The following AP3B1 variants were observed in gnomAD, a reference collection of about 807,000 sequenced individuals.
AP3B1 encodes the protein AP-3 complex subunit beta-1.
Under a neutral mutation model 132.5 loss-of-function variants are expected in AP3B1, and 61 were observed. The ratio of observed to expected loss-of-function variants is 0.46; its 90% CI spans 0.37 to 0.57. AP3B1 has a LOEUF of 0.57. AP3B1 is among the 20% of genes least tolerant of loss of function. AP3B1 has a pLI of 0.00. For synonymous variants in AP3B1, 388 were observed against 438.3 expected (o/e 0.89, Z 1.43); for missense variants, 1,120 against 1,289.4 (o/e 0.87, Z 2.01).
chr5:78,186,472 AAACGGC>A (rs1744611170), intron 7 of AP3B1, among the ~76,000 whole-genome samples: 1 of 152,218 alleles, frequency 6.6e-6, no homozygotes, highest in Admixed American at 6.5e-5. Context: ...TTTGGCTATG[AAACGGC>A]AACATGAAGA....
At chr5:78,172,883 C>T (rs1307500738) in intron 11 of AP3B1, among the ~76,000 whole-genome samples, 2 of 152,156 alleles carry the variant, frequency 1.3e-5, no homozygotes, top group African/African-American at 4.8e-5. Context: ...TTACTGCTTT[C>T]TCTTGTGAGC....
chr5:78,207,548 GA>G lies in AP3B1; in HGVS notation c.786+8506del, dbSNP rs538015789. On this transcript the variant is annotated intron_variant, in intron 7 of 26. Coordinates refer to ENST00000255194, the MANE Select transcript of AP3B1 (RefSeq NM_003664.5). ...AAGTATATAACTTACAAATGAAGCA[GA>G]AAAAAAATGTAAACATCGAATTTTT... is the stretch of plus-strand genomic sequence containing the variant. Among the ~76,000 whole-genome samples, 353 of 151,124 alleles carry G rather than the reference GA, an allele frequency of 2.3e-3. 1 individual carries two copies. Among genetic ancestry groups the G allele is most frequent in the African/African-American group, 7.7e-3 (317 of 41,236 alleles).
At chr5:78,124,388 T>C (rs1034684246) in intron 17 of AP3B1, among the ~76,000 whole-genome samples, 1 of 152,036 alleles carries the variant, frequency 6.6e-6, no homozygotes, top group African/African-American at 2.4e-5. Flanking sequence ...AATCTCCATA[T>C]GATTATAATG....
chr5:78,204,483 C>T (rs1396369083), intron 7 of AP3B1, among the ~76,000 whole-genome samples: 3 of 152,166 alleles, frequency 2.0e-5, no homozygotes, highest in Non-Finnish European at 2.9e-5. Flanking sequence ...TCTAACCCTA[C>T]GCATGAAATG....
intron 11 of AP3B1, among the ~76,000 whole-genome samples, chr5:78,174,251 T>A (rs936302328): frequency 6.6e-6 from 1 of 152,222 alleles, no homozygotes; most frequent in Non-Finnish European, 1.5e-5. Context: ...CAATCCTTTG[T>A]AGGAGAAGAG....
At chr5:78,118,771 C>T (rs1266751063) in intron 17 of AP3B1, among the ~76,000 whole-genome samples, 1 of 152,208 alleles carries the variant, frequency 6.6e-6, no homozygotes, top group South Asian at 2.1e-4. Flanking sequence ...AACAAAAAGA[C>T]AGCAGTAACC....
At chr5:78,254,517 C>G (rs1490471157) in intron 2 of AP3B1, among the ~76,000 whole-genome samples, 1 of 152,138 alleles carries the variant, frequency 6.6e-6, no homozygotes, top group Non-Finnish European at 1.5e-5. Context: ...TGGCAGTAGA[C>G]TTTTCAGTGG....
intron 7 of AP3B1, among the ~76,000 whole-genome samples, chr5:78,213,202 A>C (rs1745822586): frequency 6.6e-6 from 1 of 152,184 alleles, no homozygotes; most frequent in Non-Finnish European, 1.5e-5. Flanking sequence ...TCTAAAGCTA[A>C]AACTACCATG....
At chr5:78,098,304 TAA>T (rs57213410) in intron 21 of AP3B1, among the ~76,000 whole-genome samples, 264 of 144,498 alleles carry the variant, frequency 1.8e-3, no homozygotes, top group African/African-American at 6.3e-3. Context: ...AAATAAAAAA[TAA>T]AAAAAAAAAG....
At chr5:78,279,189 C>G (rs7700372) in intron 1 of AP3B1, among the ~76,000 whole-genome samples, 34,270 of 152,052 alleles carry the variant, frequency 0.23, 4,514 homozygotes, top group Middle Eastern at 0.31. Flanking sequence ...TGTAGTTACA[C>G]ATGAATGGGA....
chr5:78,088,607 T>TACC (rs1750366342), intron 22 of AP3B1, among the ~76,000 whole-genome samples: 1 of 152,202 alleles, frequency 6.6e-6, no homozygotes, highest in Non-Finnish European at 1.5e-5. Flanking sequence ...TGCCATGTAG[T>TACC]ACCCTGCCAG....
At position 78,050,630 on chromosome 5, in the gene AP3B1, A is replaced by G. The variant is rs143023933; in HGVS notation, c.2578-11356T>C. On this transcript the variant is annotated intron_variant, in intron 22 of 26. Coordinates refer to ENST00000255194, the MANE Select transcript of AP3B1 (RefSeq NM_003664.5). ...ACAAATAAAGAAGTACATTTCTTAA[A>G]TGCACAAAGAACAGCTTATTGAGGG... 5.4e-4 allele frequency among the ~76,000 whole-genome samples: 82 copies of G among 152,322 alleles called. 1 individual carries two copies. The East Asian group carries it at 0.014, about 26-fold the overall frequency.
chr5:78,221,925 C>A (rs539189787), intron 6 of AP3B1, among the ~76,000 whole-genome samples: 2 of 152,036 alleles, frequency 1.3e-5, no homozygotes, highest in African/African-American at 2.4e-5. Flanking sequence ...ATCTTCAGGG[C>A]CAGCATCTTT....
intron 22 of AP3B1, among the ~76,000 whole-genome samples, chr5:78,082,230 C>T (rs1337692213): frequency 2.0e-5 from 3 of 152,144 alleles, no homozygotes; most frequent in Non-Finnish European, 2.9e-5. Context: ...GCCTCTCTAC[C>T]CTGTCAATCC....
chr5:78,190,619 A>G (rs1437851340), intron 7 of AP3B1, among the ~76,000 whole-genome samples: 1 of 152,212 alleles, frequency 6.6e-6, no homozygotes, highest in Non-Finnish European at 1.5e-5. Context: ...TGACCATGAC[A>G]AATCACTCAA....
At chr5:78,105,196 C>T (rs1006217039) in intron 20 of AP3B1, among the ~76,000 whole-genome samples, 2 of 152,008 alleles carry the variant, frequency 1.3e-5, no homozygotes, top group African/African-American at 2.4e-5. Flanking sequence ...GTATCTAAAT[C>T]TTCAGCCATT....
intron 26 of AP3B1, among the ~76,000 whole-genome samples, chr5:78,010,630 A>T (rs1207997320): frequency 6.6e-6 from 1 of 152,156 alleles, no homozygotes; most frequent in African/African-American, 2.4e-5. Flanking sequence ...CCCTTCCTGG[A>T]TATTTCACAG....
intron 9 of AP3B1, among the ~76,000 whole-genome samples, chr5:78,176,603 G>A (rs961095218): frequency 6.6e-6 from 1 of 152,142 alleles, no homozygotes; most frequent in Admixed American, 6.5e-5. Context: ...GCTAAGGTAT[G>A]TCAAATAGCT....
At chr5:78,236,356 G>A (rs12153206) in intron 3 of AP3B1, among the ~76,000 whole-genome samples, 28,645 of 84,082 alleles carry the variant, frequency 0.34, 2,897 homozygotes, top group Admixed American at 0.42. Context: ...AAACATAAAA[G>A]AAAAAAAATA....
Sources: allele counts gnomAD v4.1 joint callset (sites outside exome capture counted in the v4.1 genomes callset), GRCh38; gene constraint gnomAD v4.1.1; transcripts MANE v1.5; gene names NCBI Gene and HGNC (gene_info 2026-07-23, HGNC 2026-07-21).